GIPC2: variants seen among roughly 807,000 people sequenced by gnomAD.
GIPC2 encodes the protein GIPC PDZ domain containing family member 2.
A neutral mutation model predicts 30.6 loss-of-function variants in GIPC2; 30 were observed. The ratio of observed to expected loss-of-function variants is 0.98; its 90% CI spans 0.73 to 1.33. The LOEUF is 1.33. GIPC2 is among the 40% of genes most tolerant of loss of function. The probability of loss-of-function intolerance (pLI) is 0.00; values close to 1 mark genes in which losing one functional copy is unlikely to be tolerated. For synonymous variants in GIPC2, 167 were observed against 150.0 expected (o/e 1.11, Z -0.83); for missense variants, 414 against 390.3 (o/e 1.06, Z -0.51).
intron 3 of GIPC2, among the ~76,000 whole-genome samples, chr1:78,096,041 AT>A (rs1434145757): frequency 1.3e-5 from 2 of 152,132 alleles, no homozygotes; most frequent in African/African-American, 4.8e-5. Context: ...TGGAATTAGA[AT>A]TTTTTCTCTG....
At position 78,046,480 on chromosome 1, in the gene GIPC2, G is replaced by A. The variant is rs886837001; in HGVS notation, c.240+146G>A. ...TTGAGTCCGCCGGGGGCGTCCCGGG[G>A]GAAAGTGAGTGTGCCTTCCCTGGAA... On this transcript the variant is annotated intron_variant, in intron 1 of 5. Coordinates refer to ENST00000370759, the MANE Select transcript of GIPC2 (RefSeq NM_017655.6). 60 of 735,862 alleles carry A rather than the reference G, an allele frequency of 8.2e-5. 1 individual carries two copies. The Admixed American group carries it at 1.5e-3, about 18-fold the overall frequency. 45.6% of individuals were successfully genotyped at this position (735,862 alleles called of 1,614,324 possible). A position where few individuals can be genotyped will look rare whatever the true frequency, so the allele number is the denominator to read the frequency against.
At chr1:78,088,313 G>A (rs775118337) in intron 2 of GIPC2, among the ~76,000 whole-genome samples, 1 of 152,200 alleles carries the variant, frequency 6.6e-6, no homozygotes, top group Non-Finnish European at 1.5e-5. Flanking sequence ...GTTTACTGCA[G>A]CACTGTTCAC....
At chr1:78,058,449 A>T (rs544282620) in intron 1 of GIPC2, among the ~76,000 whole-genome samples, 1 of 151,920 alleles carries the variant, frequency 6.6e-6, no homozygotes, top group African/African-American at 2.4e-5. Context: ...TGAAGGATTC[A>T]CTCAGAGCGC....
At chr1:78,122,826 C>G (rs1047258491) in intron 4 of GIPC2, among the ~76,000 whole-genome samples, 2 of 152,106 alleles carry the variant, frequency 1.3e-5, no homozygotes, top group Admixed American at 6.5e-5. Context: ...GAATAAAAAC[C>G]CTGTTTCTCT....
intron 2 of GIPC2, among the ~76,000 whole-genome samples, chr1:78,082,696 T>G (rs755965528): frequency 6.6e-6 from 1 of 152,202 alleles, no homozygotes; most frequent in East Asian, 1.9e-4. Flanking sequence ...TGTGGAGATA[T>G]AGGGCATGTT....
At chr1:78,077,648 G>T (rs1408726926) in intron 1 of GIPC2, among the ~76,000 whole-genome samples, 1 of 152,098 alleles carries the variant, frequency 6.6e-6, no homozygotes, top group East Asian at 1.9e-4. Flanking sequence ...GTCAGAGAGT[G>T]TTATATTTTA....
intron 1 of GIPC2, among the ~76,000 whole-genome samples, chr1:78,080,251 A>G (rs1661798481): frequency 6.6e-6 from 1 of 152,202 alleles, no homozygotes; most frequent in African/African-American, 2.4e-5. Context: ...ATAAAATGTC[A>G]GGTCCCTTGG....
rs1275598179 is a variant in GIPC2 at position 78,114,058 on chromosome 1, T to A, written c.608-5335T>A. Among the ~76,000 whole-genome samples, 5 of 152,332 alleles carry A rather than the reference T, an allele frequency of 3.3e-5. No individual in the cohort carries two copies. In the South Asian group the frequency reaches 6.2e-4, roughly 19 times the overall value. Reference sequence around the variant, plus strand: ...GTCTGGGAACAAACCTGATTGCTTCTAGGCTATGTGCAACTCCACTGTGGG... The same window carrying A: ...GTCTGGGAACAAACCTGATTGCTTCAAGGCTATGTGCAACTCCACTGTGGG... On this transcript the variant is annotated intron_variant, in intron 3 of 5. Coordinates refer to ENST00000370759, the MANE Select transcript of GIPC2 (RefSeq NM_017655.6).
intron 2 of GIPC2, among the ~76,000 whole-genome samples, chr1:78,088,002 G>C (rs920571480): frequency 2.0e-5 from 3 of 151,930 alleles, no homozygotes; most frequent in African/African-American, 7.3e-5. Context: ...TAAAAAAAAA[G>C]CTGAACCTCA....
At chr1:78,121,252 G>A (rs1347198480) in intron 4 of GIPC2, among the ~76,000 whole-genome samples, 1 of 152,160 alleles carries the variant, frequency 6.6e-6, no homozygotes, top group Non-Finnish European at 1.5e-5. Context: ...AGCAGCAAAG[G>A]CATGGGGGTC....
Position 78,135,752 on chromosome 1 carries a change from C to T in GIPC2, c.*9C>T. 5 of 1,599,892 alleles carry T rather than the reference C, an allele frequency of 3.1e-6. No homozygotes were observed. The highest frequency in any genetic ancestry group is 4.3e-6 in the Non-Finnish European group (5 of 1,175,336). ...AACGAAGAGGATTATGATGTGTACA[C>T]TCCATCTCTGAAGAAACAACCCATC... is the stretch of plus-strand genomic sequence containing the variant. On this transcript the variant is annotated 3_prime_UTR_variant, in exon 6 of 6. Coordinates refer to ENST00000370759, the MANE Select transcript of GIPC2 (RefSeq NM_017655.6).
intron 4 of GIPC2, among the ~76,000 whole-genome samples, chr1:78,125,609 ATC>A (rs1180914220): frequency 6.6e-6 from 1 of 152,074 alleles, no homozygotes; most frequent in Admixed American, 6.5e-5. Context: ...TTATTTTCAC[ATC>A]TGTTTCCTCT....
intron 3 of GIPC2, among the ~76,000 whole-genome samples, chr1:78,110,669 G>A (rs540384015): frequency 6.6e-6 from 1 of 152,288 alleles, no homozygotes; most frequent in East Asian, 1.9e-4. Context: ...TCCATTCATC[G>A]CTTTTGGAAT....
intron 1 of GIPC2, among the ~76,000 whole-genome samples, chr1:78,056,278 A>G (rs1405573708): frequency 1.3e-5 from 2 of 152,062 alleles, no homozygotes; most frequent in African/African-American, 4.8e-5. Context: ...GGAGTTCTTG[A>G]CCACCTGGGC....
At chr1:78,046,523 C>A (rs1366137252) in intron 1 of GIPC2, among the ~76,000 whole-genome samples, 189 bp downstream of exon 1, 1 of 152,188 alleles carries the variant, frequency 6.6e-6, no homozygotes, top group Non-Finnish European at 1.5e-5. Flanking sequence ...TTTAACTTGG[C>A]AGGACCGCAG....
intron 1 of GIPC2, among the ~76,000 whole-genome samples, chr1:78,058,668 TAA>T (rs1263251053): frequency 6.6e-6 from 1 of 152,216 alleles, no homozygotes; most frequent in Non-Finnish European, 1.5e-5. Flanking sequence ...CTGTATTTTG[TAA>T]ATTCATGATA....
rs1445215204 is a variant in GIPC2, at chr1:78,109,849, A to G, written c.608-9544A>G. 5.4e-4 allele frequency among the ~76,000 whole-genome samples: 82 copies of G among 152,356 alleles called. 1 individual carries two copies. The highest frequency in any genetic ancestry group is 8.8e-5 in the Non-Finnish European group (6 of 68,036). ...TGGCACATATACACCATGGAATACT[A>G]TGCAGCCATAAAAAATGATGAGTTC... On this transcript the variant is annotated intron_variant, in intron 3 of 5. Coordinates refer to ENST00000370759, the MANE Select transcript of GIPC2 (RefSeq NM_017655.6).
chr1:78,047,078 G>A (rs1282501978), intron 1 of GIPC2, among the ~76,000 whole-genome samples: 2 of 152,190 alleles, frequency 1.3e-5, no homozygotes, highest in African/African-American at 4.8e-5. Flanking sequence ...ACTGAAATTT[G>A]CTTTAATTAG....
intron 3 of GIPC2, among the ~76,000 whole-genome samples, chr1:78,113,893 T>C (rs2100417189): frequency 6.6e-6 from 1 of 151,970 alleles, no homozygotes; most frequent in South Asian, 2.1e-4. Context: ...CTCATTCTTA[T>C]GGAGTCTATC....
Sources: gnomAD v4.1 joint callset for allele counts (sites outside exome capture counted in the v4.1 genomes callset) on GRCh38, gnomAD v4.1.1 for gene constraint, MANE v1.5 for transcripts, NCBI Gene and HGNC (gene_info 2026-07-23, HGNC 2026-07-21) for gene names.